The following SLC25A26 variants were observed in gnomAD, a reference collection of about 807,000 sequenced individuals.
The protein encoded by SLC25A26 is mitochondrial S-adenosylmethionine carrier protein.
SLC25A26 carries 36 observed loss-of-function variants against 37.8 expected under a neutral mutation model. The observed-to-expected ratio is 0.95, with a 90% CI of 0.73 to 1.26. The LOEUF is 1.26. SLC25A26 is among the 50% of genes most tolerant of loss of function. The pLI, the probability that SLC25A26 is intolerant of heterozygous loss-of-function variation, is 0.00. For missense variants in SLC25A26, 390 were observed against 331.1 expected, an observed-to-expected ratio of 1.18 and a Z score of -1.38; for synonymous variants, 129 against 122.5, an observed-to-expected ratio of 1.05 and a Z score of -0.35.
chr3:66,168,398 G>T (rs2070454842), intron 1 of SLC25A26, among the ~76,000 whole-genome samples: 1 of 152,082 alleles, frequency 6.6e-6, no homozygotes, highest in Middle Eastern at 3.4e-3. Context: ...ATCCATTATA[G>T]CAGCATTCCT....
chr3:66,157,542 G>C (rs536435196), intron 1 of SLC25A26, among the ~76,000 whole-genome samples: 2 of 152,232 alleles, frequency 1.3e-5, no homozygotes, highest in Non-Finnish European at 2.9e-5. Context: ...CACACATAAA[G>C]CTTCTATAAC....
chr3:66,336,772 G>C (rs371701148), intron 5 of SLC25A26, among the ~76,000 whole-genome samples: 1 of 152,108 alleles, frequency 6.6e-6, no homozygotes, highest in Admixed American at 6.6e-5. Flanking sequence ...ATTGTGGTGT[G>C]ATACAGAGTT....
At chr3:66,257,450 C>T (rs142306201) in intron 3 of SLC25A26, among the ~76,000 whole-genome samples, 7 of 152,134 alleles carry the variant, frequency 4.6e-5, no homozygotes, top group Non-Finnish European at 1.0e-4. Flanking sequence ...AGACCCTCAG[C>T]CAGACCACTG....
chr3:66,237,060 C>G lies in SLC25A26; in HGVS notation c.190+360C>G, dbSNP rs141415954. On this transcript the variant is annotated intron_variant, in intron 2 of 9. Coordinates refer to ENST00000354883, the MANE Select transcript of SLC25A26 (RefSeq NM_001379210.1). ...CCATGTTGTCTAGGCTGGTCTTGAACTCCTAGGCTCAAGCAATCTGCCCAT... is the reference window on the plus strand; with the variant it reads ...CCATGTTGTCTAGGCTGGTCTTGAAGTCCTAGGCTCAAGCAATCTGCCCAT... Among the ~76,000 whole-genome samples, 473 of 152,266 alleles carry G rather than the reference C, an allele frequency of 3.1e-3. 3 individuals carry two copies. The highest frequency in any genetic ancestry group is 0.016 in the East Asian group (85 of 5,164).
chr3:66,163,142 C>G (rs968097109), intron 1 of SLC25A26, among the ~76,000 whole-genome samples: 2 of 152,176 alleles, frequency 1.3e-5, no homozygotes, highest in East Asian at 3.9e-4. Flanking sequence ...AGGAAAAAAG[C>G]TGCTATTTGA....
At chr3:66,172,310 CTGA>C (rs1181922082) in intron 1 of SLC25A26, among the ~76,000 whole-genome samples, 1 of 146,822 alleles carries the variant, frequency 6.8e-6, no homozygotes, top group Non-Finnish European at 1.5e-5. Flanking sequence ...ATTCAAGAGG[CTGA>C]GGTGGAAGGA....
intron 1 of SLC25A26, among the ~76,000 whole-genome samples, chr3:66,189,488 C>G (rs2070894947): frequency 1.3e-5 from 2 of 152,082 alleles, no homozygotes; most frequent in African/African-American, 4.8e-5. Flanking sequence ...TCACCCTGAC[C>G]CTTATAATGA....
chr3:66,283,018 A>G (rs982457262), intron 5 of SLC25A26, among the ~76,000 whole-genome samples: 1 of 152,198 alleles, frequency 6.6e-6, no homozygotes, highest in Non-Finnish European at 1.5e-5. Flanking sequence ...TGCATGTATC[A>G]ATAGTTTCTT....
At chr3:66,260,421 C>G (rs1281671247) in intron 3 of SLC25A26, among the ~76,000 whole-genome samples, 1 of 152,124 alleles carries the variant, frequency 6.6e-6, no homozygotes, top group African/African-American at 2.4e-5. Flanking sequence ...TTCAAATGTT[C>G]AGTGAATGAA....
chr3:66,302,354 G>T (rs1029027071), intron 5 of SLC25A26, among the ~76,000 whole-genome samples: 6 of 152,182 alleles, frequency 3.9e-5, no homozygotes, highest in Admixed American at 2.6e-4. Flanking sequence ...GACAATCTGG[G>T]TATCTGGTCA....
chr3:66,186,530 C>A (rs1217395995), intron 1 of SLC25A26, among the ~76,000 whole-genome samples: 2 of 152,032 alleles, frequency 1.3e-5, no homozygotes, highest in Non-Finnish European at 2.9e-5. Context: ...CTGACCCTAA[C>A]CTTTACCCTG....
intron 5 of SLC25A26, among the ~76,000 whole-genome samples, chr3:66,296,012 G>A (rs1198321949): frequency 6.6e-6 from 1 of 151,960 alleles, no homozygotes; most frequent in East Asian, 2.0e-4. Flanking sequence ...AGCTACTCAG[G>A]AGGCTGAGGC....
chr3:66,153,661 C>T (rs890753817), intron 1 of SLC25A26, among the ~76,000 whole-genome samples: 1 of 152,210 alleles, frequency 6.6e-6, no homozygotes, highest in African/African-American at 2.4e-5. Flanking sequence ...AAGGCAACAT[C>T]TTGAGCCAGG....
At chr3:66,232,681 A>G (rs1156803158) in intron 1 of SLC25A26, among the ~76,000 whole-genome samples, 1 of 152,246 alleles carries the variant, frequency 6.6e-6, no homozygotes, top group African/African-American at 2.4e-5. Flanking sequence ...GGTGGAAAGA[A>G]AGGACTGAAC....
At chr3:66,188,608 C>T (rs2070875268) in intron 1 of SLC25A26, among the ~76,000 whole-genome samples, 1 of 152,156 alleles carries the variant, frequency 6.6e-6, no homozygotes, top group Non-Finnish European at 1.5e-5. Flanking sequence ...GCCTGAGGCT[C>T]TTGCCAGAAG....
intron 1 of SLC25A26, among the ~76,000 whole-genome samples, chr3:66,200,264 A>G (rs2071091733): frequency 6.6e-6 from 1 of 152,226 alleles, no homozygotes; most frequent in Non-Finnish European, 1.5e-5. Context: ...TGGCTGGCCA[A>G]GGAGACTGCT....
rs571948392 is a variant in SLC25A26, at chr3:66,302,169, C to T, written c.453+38790C>T. ...TGTTGTGCAGAAGTATATCCTGAAC[C>T]TTCCTCCCTCTGAATTTGCCCACTT... On this transcript the variant is annotated intron_variant, in intron 5 of 9. Transcript: ENST00000354883. 2.6e-5 allele frequency among the ~76,000 whole-genome samples: 4 copies of T among 152,334 alleles called. No individual in the cohort carries two copies. The South Asian group carries it at 8.3e-4, about 32-fold the overall frequency.
Position 66,224,579 on chromosome 3 carries a change from C to G in SLC25A26, c.33+3452C>G, listed in dbSNP as rs532097520. ...TCAAGATGAGATTTGGGTGGGGACA[C>G]AGAGCCAAACCATATCATTCCACCC... On this transcript the variant is annotated intron_variant, in intron 1 of 9. Coordinates refer to ENST00000354883, the MANE Select transcript of SLC25A26 (RefSeq NM_001379210.1). Among the ~76,000 whole-genome samples, 4 of 152,264 alleles carry G rather than the reference C, an allele frequency of 2.6e-5. No homozygotes were observed. The East Asian group carries it at 5.8e-4, about 22-fold the overall frequency.
chr3:66,208,694 A>ATATATATATATATACACATTTATATGGG (rs2071215108), intron 1 of SLC25A26, among the ~76,000 whole-genome samples: 1 of 143,786 alleles, frequency 7.0e-6, no homozygotes, highest in African/African-American at 2.6e-5. Context: ...TTATATGGGT[A>ATATATATATATATACACATTTATATGGG]TATATATATA....
Sources: gnomAD v4.1 joint callset for allele counts (sites outside exome capture counted in the v4.1 genomes callset) on GRCh38, gnomAD v4.1.1 for gene constraint, MANE v1.5 for transcripts, NCBI Gene and HGNC (gene_info 2026-07-23, HGNC 2026-07-21) for gene names.